The following PLD1 variants were observed in gnomAD, a reference collection of about 807,000 sequenced individuals.
PLD1 encodes choline phosphatase 1.
A neutral mutation model predicts 137.1 loss-of-function variants in PLD1; 112 were observed. The observed-to-expected ratio is 0.82, with a 90% CI of 0.70 to 0.96. The LOEUF (loss-of-function observed/expected upper bound fraction) is 0.96. PLD1 is among the 40% of genes least tolerant of loss of function. PLD1 has a pLI of 0.00. For missense variants in PLD1, 1,321 were observed against 1,342.0 expected (o/e 0.98, Z 0.24); for synonymous variants, 431 against 454.7 (o/e 0.95, Z 0.66).
At chr3:171,749,475 CTG>C (rs1322720409) in intron 1 of PLD1, among the ~76,000 whole-genome samples, 1 of 152,168 alleles carries the variant, frequency 6.6e-6, no homozygotes, top group African/African-American at 2.4e-5. Flanking sequence ...AAATGAAAAA[CTG>C]TACATAAAAA....
At chr3:171,609,536 AC>A (rs1732485649) in intron 25 of PLD1, among the ~76,000 whole-genome samples, 1 of 148,542 alleles carries the variant, frequency 6.7e-6, no homozygotes, top group Admixed American at 6.6e-5. Context: ...ACACACACAC[AC>A]ACACACACAC....
At position 171,678,831 on chromosome 3, in the gene PLD1, G is replaced by A. The variant is rs181886681; in HGVS notation, c.1868-1137C>T. ...CTTGTTTTTCCCCACCCAACCCCAG[G>A]CCCCATGCAAATCACGTGTTTCACT... is the stretch of plus-strand genomic sequence containing the variant. On this transcript the variant is annotated intron_variant, in intron 16 of 26. Coordinates refer to ENST00000351298, the MANE Select transcript of PLD1 (RefSeq NM_002662.5). 1.4e-4 allele frequency among the ~76,000 whole-genome samples: 22 copies of A among 152,220 alleles called. No homozygotes were observed. In the East Asian group the frequency reaches 1.9e-3, roughly 13 times the overall value.
chr3:171,704,866 G>T (rs1716548624), intron 11 of PLD1, among the ~76,000 whole-genome samples: 3 of 152,206 alleles, frequency 2.0e-5, no homozygotes, highest in Admixed American at 6.5e-5. Context: ...ATTTCTGGAT[G>T]AAACTGTTGC....
intron 19 of PLD1, among the ~76,000 whole-genome samples, chr3:171,673,770 G>A (rs1190625410): frequency 6.6e-6 from 1 of 152,168 alleles, no homozygotes; most frequent in Non-Finnish European, 1.5e-5. Flanking sequence ...GTAGCAGACT[G>A]CTGGACTTTA....
At chr3:171,620,086 A>T (rs1413790688) in intron 24 of PLD1, among the ~76,000 whole-genome samples, 2 of 152,196 alleles carry the variant, frequency 1.3e-5, no homozygotes, top group African/African-American at 2.4e-5. Context: ...CAAAGAGATG[A>T]TAAATGCTTG....
intron 1 of PLD1, among the ~76,000 whole-genome samples, 166 bp from the exon 2 acceptor site, chr3:171,738,248 A>C (rs567927817): frequency 1.3e-5 from 2 of 152,102 alleles, no homozygotes; most frequent in African/African-American, 2.4e-5. Context: ...CCTGTTTAAC[A>C]TTTAAAGGAT....
intron 23 of PLD1, among the ~76,000 whole-genome samples, chr3:171,628,938 T>C (rs1409666609): frequency 4.7e-5 from 7 of 149,228 alleles, no homozygotes; most frequent in African/African-American, 1.2e-4. Flanking sequence ...AGCATTCCCT[T>C]TGAAAACTGG....
intron 1 of PLD1, among the ~76,000 whole-genome samples, chr3:171,805,206 G>T (rs1560312176): frequency 6.6e-6 from 1 of 152,036 alleles, no homozygotes; most frequent in Non-Finnish European, 1.5e-5. Flanking sequence ...GCTTCCAAAA[G>T]GTTCCCAACT....
intron 21 of PLD1, among the ~76,000 whole-genome samples, chr3:171,647,537 C>T (rs6796730): frequency 0.07 from 10,677 of 151,804 alleles, 1,090 homozygotes; most frequent in African/African-American, 0.23. Context: ...GCAACCTCCG[C>T]CTCCCAGGTT....
chr3:171,676,662 G>T, intron 18 of PLD1, 53 bp downstream of exon 18: 1 of 1,380,684 alleles, frequency 7.2e-7, no homozygotes, highest in Non-Finnish European at 1.0e-6. Flanking sequence ...CTCTTCTCTA[G>T]TTAGGCCTGC....
intron 1 of PLD1, among the ~76,000 whole-genome samples, chr3:171,752,989 G>C (rs1280500921): frequency 6.6e-6 from 1 of 152,154 alleles, no homozygotes; most frequent in African/African-American, 2.4e-5. Flanking sequence ...ACAGACAAAG[G>C]ATTGATGAGA....
chr3:171,622,677 T>C (rs1733738374), intron 23 of PLD1, among the ~76,000 whole-genome samples: 2 of 150,870 alleles, frequency 1.3e-5, no homozygotes, highest in African/African-American at 2.4e-5. Context: ...TATGTGGGTA[T>C]AATATTTTCA....
intron 1 of PLD1, chr3:171,791,876 A>T (rs1302292427): frequency 6.6e-6 from 1 of 152,364 alleles, no homozygotes; most frequent in Admixed American, 6.5e-5. Flanking sequence ...CAATGGGCCG[A>T]AGTGTTCCCA....
At chr3:171,671,168 A>G (rs1156739079) in intron 19 of PLD1, among the ~76,000 whole-genome samples, 1 of 152,174 alleles carries the variant, frequency 6.6e-6, no homozygotes, top group African/African-American at 2.4e-5. Flanking sequence ...GTGAAAATGC[A>G]TGTTATTATA....
At position 171,612,614 on chromosome 3, in the gene PLD1, G is replaced by C. The variant is rs144194943; in HGVS notation, c.2729-182C>G. Among the ~76,000 whole-genome samples, 114 of 152,296 alleles carry C rather than the reference G, an allele frequency of 7.5e-4. No homozygotes were observed. The highest frequency in any genetic ancestry group is 2.6e-3 in the African/African-American group (108 of 41,556). The stretch of plus-strand genomic sequence containing the variant: ...CAGGGGTGAATCTTAATCAGTCTAA[G>C]CCAGCCATGGTAATTTCATTATTTT... On this transcript the variant is annotated intron_variant, in intron 24 of 26. Transcript: ENST00000351298. This position sits in a 1 kb window ranked among gnomAD's most constrained non-coding sequence, Gnocchi z 4.1.
intron 25 of PLD1, among the ~76,000 whole-genome samples, chr3:171,607,686 C>T (rs897419224): frequency 5.9e-5 from 9 of 152,054 alleles, no homozygotes; most frequent in African/African-American, 2.2e-4. Context: ...AGGAAAACCA[C>T]AAAAAATTAT....
intron 23 of PLD1, among the ~76,000 whole-genome samples, chr3:171,635,981 T>TTTTTTTTTTTG: frequency 7.1e-6 from 1 of 140,172 alleles, no homozygotes; most frequent in Non-Finnish European, 1.6e-5. Flanking sequence ...TTTTTTTTTT[T>TTTTTTTTTTTG]TTTTTTTTTT....
intron 23 of PLD1, among the ~76,000 whole-genome samples, chr3:171,639,568 T>TATGAATATATATTC (rs1560169979): frequency 7.2e-5 from 5 of 69,188 alleles, no homozygotes; most frequent in African/African-American, 2.9e-4. Context: ...ATATATATTA[T>TATGAATATATATTC]ATATAATATA....
At chr3:171,687,654 T>A in intron 14 of PLD1, 70 bp from the exon 15 acceptor site, 1 of 959,514 alleles carries the variant, frequency 1.0e-6, no homozygotes, top group Non-Finnish European at 1.6e-6. Flanking sequence ...TTAATTCAAG[T>A]AGAGCTGAAG....
Sources: allele counts gnomAD v4.1 joint callset (sites outside exome capture counted in the v4.1 genomes callset), GRCh38; gene constraint gnomAD v4.1.1; non-coding constraint Gnocchi (gnomAD v3.1); transcripts MANE v1.5; gene names NCBI Gene and HGNC (gene_info 2026-07-23, HGNC 2026-07-21).